SUGCT: variants seen among roughly 807,000 people sequenced by gnomAD.
The protein encoded by SUGCT is succinyl-CoA:glutarate CoA-transferase.
In SUGCT, 41 loss-of-function variants were observed where a neutral mutation model predicts 55.0. The ratio of observed to expected loss-of-function variants is 0.74; its 90% CI spans 0.58 to 0.97. The LOEUF (loss-of-function observed/expected upper bound fraction) is 0.97. Ranked by LOEUF, SUGCT falls within the 50% of genes least tolerant of loss-of-function variation. The probability of loss-of-function intolerance (pLI) is 0.00; values close to 1 mark genes in which losing one functional copy is unlikely to be tolerated. For synonymous variants in SUGCT, 187 were observed against 200.4 expected, an observed-to-expected ratio of 0.93 and a Z score of 0.56; for missense variants, 568 against 547.8, an observed-to-expected ratio of 1.04 and a Z score of -0.37.
the SUGCT span, among the ~76,000 whole-genome samples, chr7:40,899,534 C>A: frequency 6.6e-6 from 1 of 152,154 alleles, no homozygotes; most frequent in Non-Finnish European, 1.5e-5. Flanking sequence ...AATACAACAA[C>A]AAACAAAACT....
At chr7:40,920,463 G>A in the SUGCT span, among the ~76,000 whole-genome samples, 1 of 152,150 alleles carries the variant, frequency 6.6e-6, no homozygotes, top group South Asian at 2.1e-4. Flanking sequence ...CTGAAGGAGA[G>A]GGTGGGACTT....
chr7:40,546,552 G>C (rs1794999785), intron 12 of SUGCT, among the ~76,000 whole-genome samples: 1 of 152,144 alleles, frequency 6.6e-6, no homozygotes, highest in Non-Finnish European at 1.5e-5. Flanking sequence ...ACAAAATTAA[G>C]CCAATGTATT....
chr7:40,757,860 A>G (rs1240464637), intron 13 of SUGCT, among the ~76,000 whole-genome samples: 1 of 152,156 alleles, frequency 6.6e-6, no homozygotes, highest in Middle Eastern at 3.2e-3. Context: ...TTCCTGGTAT[A>G]TTAGCTGCAG....
At chr7:40,732,989 C>T (rs558494040) in intron 12 of SUGCT, among the ~76,000 whole-genome samples, 1 of 152,242 alleles carries the variant, frequency 6.6e-6, no homozygotes, top group Non-Finnish European at 1.5e-5. Context: ...GCAGGAGAAT[C>T]ACTTGAACCC....
At chr7:40,768,286 C>T (rs1788907101) in intron 13 of SUGCT, among the ~76,000 whole-genome samples, 2 of 152,092 alleles carry the variant, frequency 1.3e-5, no homozygotes, top group Admixed American at 6.6e-5. Context: ...AGTGGCTGCT[C>T]AAGGAGGGTT....
intron 12 of SUGCT, among the ~76,000 whole-genome samples, chr7:40,505,428 C>T (rs998370255): frequency 1.3e-5 from 2 of 151,930 alleles, no homozygotes; most frequent in African/African-American, 4.8e-5. Context: ...CTTTTTTACC[C>T]CTCTGCTGCC....
chr7:40,638,786 C>A (rs1369536814), intron 12 of SUGCT, among the ~76,000 whole-genome samples: 1 of 152,076 alleles, frequency 6.6e-6, no homozygotes, highest in Admixed American at 6.6e-5. Flanking sequence ...TGGGGATAAA[C>A]AGGTCATGAC....
At chr7:40,637,809 T>C (rs1481634733) in intron 12 of SUGCT, among the ~76,000 whole-genome samples, 1 of 152,246 alleles carries the variant, frequency 6.6e-6, no homozygotes, top group Non-Finnish European at 1.5e-5. Context: ...GATTATAATA[T>C]GGTGATTGGA....
At chr7:40,744,628 G>T (rs1293998127) in intron 12 of SUGCT, among the ~76,000 whole-genome samples, 1 of 152,040 alleles carries the variant, frequency 6.6e-6, no homozygotes, top group African/African-American at 2.4e-5. Context: ...AGCCCCTCTA[G>T]GTTTCTAACA....
intron 9 of SUGCT, among the ~76,000 whole-genome samples, chr7:40,334,676 C>A (rs1796573367): frequency 6.6e-6 from 1 of 152,108 alleles, no homozygotes; most frequent in African/African-American, 2.4e-5. Context: ...GAGTAGATTG[C>A]AAAAATTTTC....
chr7:40,856,782 T>A (rs1213758953), intron 13 of SUGCT, among the ~76,000 whole-genome samples: 1 of 152,176 alleles, frequency 6.6e-6, no homozygotes, highest in Admixed American at 6.5e-5. Flanking sequence ...ATGCGAACAC[T>A]TAAAAGTCTT....
the SUGCT span, among the ~76,000 whole-genome samples, chr7:40,943,742 G>T: frequency 1.3e-5 from 2 of 151,890 alleles, no homozygotes; most frequent in Non-Finnish European, 2.9e-5. Context: ...ATAAACATAC[G>T]TGTTCACGTG....
chr7:40,625,301 A>G (rs1799474996), intron 12 of SUGCT, among the ~76,000 whole-genome samples: 1 of 152,048 alleles, frequency 6.6e-6, no homozygotes, highest in Non-Finnish European at 1.5e-5. Context: ...TCCCACAGAG[A>G]ACTGTTCGTG....
intron 13 of SUGCT, among the ~76,000 whole-genome samples, chr7:40,763,940 C>T (rs1397024938): frequency 2.6e-5 from 4 of 152,084 alleles, no homozygotes; most frequent in East Asian, 3.9e-4. Flanking sequence ...CTTCGGCTTG[C>T]GTGTTTATAT....
At chr7:40,415,933 C>T (rs1786976326) in intron 9 of SUGCT, among the ~76,000 whole-genome samples, 1 of 151,790 alleles carries the variant, frequency 6.6e-6, no homozygotes, top group African/African-American at 2.4e-5. Flanking sequence ...ATTTTTTAAT[C>T]TTCTTAGCTA....
At chr7:40,486,780 C>T (rs1791382273) in intron 11 of SUGCT, among the ~76,000 whole-genome samples, 1 of 146,220 alleles carries the variant, frequency 6.8e-6, no homozygotes, top group Non-Finnish European at 1.5e-5. Context: ...GGCTAGAATG[C>T]AGTGGTATAA....
At chr7:40,318,204 G>A (rs1048422895) in intron 9 of SUGCT, among the ~76,000 whole-genome samples, 1 of 152,168 alleles carries the variant, frequency 6.6e-6, no homozygotes, top group African/African-American at 2.4e-5. Context: ...CCTCCTTGTT[G>A]AGTATTCTTT....
At chr7:40,306,558 A>G (rs887355053) in intron 8 of SUGCT, among the ~76,000 whole-genome samples, 3 of 152,256 alleles carry the variant, frequency 2.0e-5, no homozygotes, top group African/African-American at 7.2e-5. Context: ...AGTAAGTTTC[A>G]TGTCATTTTT....
chr7:40,422,099 T>C (rs1787340838), intron 9 of SUGCT, among the ~76,000 whole-genome samples: 1 of 149,806 alleles, frequency 6.7e-6, no homozygotes, highest in African/African-American at 2.5e-5. Context: ...TTTTTTAATC[T>C]CCAAAATCTC....
Sources: allele counts gnomAD v4.1 joint callset (sites outside exome capture counted in the v4.1 genomes callset), GRCh38; gene constraint gnomAD v4.1.1; transcripts MANE v1.5; gene names NCBI Gene and HGNC (gene_info 2026-07-23, HGNC 2026-07-21).